TSPAN15: variants seen among roughly 807,000 people sequenced by gnomAD.
TSPAN15 encodes tetraspanin-15.
Under a neutral mutation model 34.5 loss-of-function variants are expected in TSPAN15, and 20 were observed. The observed-to-expected ratio is 0.58, with a 90% CI of 0.41 to 0.84. The LOEUF is 0.84. Among genes scored for constraint, TSPAN15 ranks in the 40% least tolerant of loss-of-function variants. TSPAN15 has a pLI of 0.00. For missense variants in TSPAN15, 313 were observed against 386.1 expected, an observed-to-expected ratio of 0.81 and a Z score of 1.59; for synonymous variants, 155 against 153.9, an observed-to-expected ratio of 1.01 and a Z score of -0.05.
rs890052067 is a variant in TSPAN15, at chr10:69,486,191, G to A, written c.357+976G>A. Among the ~76,000 whole-genome samples the A allele has an allele frequency of 2.0e-5, 3 of 152,220 alleles. No individual in the cohort carries two copies. The East Asian group carries it at 5.8e-4, about 29-fold the overall frequency. ...CAAGGCCCCACAAGAAGCTGGTGGT[G>A]GAGCAGGGCTGACTCCAACCCAGGG... On this transcript the variant is annotated intron_variant, in intron 3 of 7. Transcript: ENST00000373290.
At chr10:69,467,993 T>C (rs1481711909) in intron 1 of TSPAN15, among the ~76,000 whole-genome samples, 1 of 152,144 alleles carries the variant, frequency 6.6e-6, no homozygotes, top group African/African-American at 2.4e-5. Flanking sequence ...CTTGCCTACG[T>C]TGTACCTGAT....
the TSPAN15 span, among the ~76,000 whole-genome samples, chr10:69,514,754 T>G: frequency 1.3e-5 from 2 of 152,246 alleles, no homozygotes; most frequent in African/African-American, 4.8e-5. Context: ...TTTATAGATT[T>G]TAAAGATCTT....
rs184172048 is a variant in TSPAN15 at position 69,498,628 on chromosome 10, A to G, written c.570+232A>G. On this transcript the variant is annotated intron_variant, in intron 5 of 7. Transcript: ENST00000373290. ...TTCTTAGTGGTGTTGGTTAAAATCT[A>G]TTGAGCACCTACCTTGTGCAGGCCT... is the stretch of plus-strand genomic sequence containing the variant. 7.0e-3 allele frequency among the ~76,000 whole-genome samples: 1,065 copies of G among 152,240 alleles called. 33 individuals are homozygous for G. The highest frequency in any genetic ancestry group is 0.061 in the Admixed American group (935 of 15,282).
intron 1 of TSPAN15, among the ~76,000 whole-genome samples, chr10:69,465,941 G>A (rs1841375440): frequency 6.6e-6 from 1 of 152,214 alleles, no homozygotes; most frequent in African/African-American, 2.4e-5. Flanking sequence ...TGCTAACACA[G>A]GGACTGGTAT....
At chr10:69,461,706 G>A (rs1469678942) in intron 1 of TSPAN15, among the ~76,000 whole-genome samples, 1 of 152,072 alleles carries the variant, frequency 6.6e-6, no homozygotes, top group Non-Finnish European at 1.5e-5. Flanking sequence ...GTGGGCTGAG[G>A]CCAGCCTCTG....
At chr10:69,543,615 C>T in the TSPAN15 span, among the ~76,000 whole-genome samples, 1 of 152,136 alleles carries the variant, frequency 6.6e-6, no homozygotes, top group African/African-American at 2.4e-5. Flanking sequence ...GACCAAGCTG[C>T]AGCTGCCCTA....
chr10:69,513,496 C>T, the TSPAN15 span, among the ~76,000 whole-genome samples: 1 of 152,112 alleles, frequency 6.6e-6, no homozygotes, highest in Non-Finnish European at 1.5e-5. Context: ...CATGAGCCAC[C>T]GTGCCCAGTC....
intron 1 of TSPAN15, among the ~76,000 whole-genome samples, chr10:69,463,517 G>C (rs1841315566): frequency 6.6e-6 from 1 of 152,074 alleles, no homozygotes; most frequent in Non-Finnish European, 1.5e-5. Flanking sequence ...TCATCAAAAA[G>C]GTATGTTCTT....
intron 5 of TSPAN15, among the ~76,000 whole-genome samples, chr10:69,499,998 A>G (rs1842170542): frequency 6.6e-6 from 1 of 152,062 alleles, no homozygotes. Context: ...TGAGTGATGG[A>G]CCATACAGGG....
chr10:69,535,882 C>A, the TSPAN15 span, among the ~76,000 whole-genome samples: 1 of 152,206 alleles, frequency 6.6e-6, no homozygotes, highest in African/African-American at 2.4e-5. Context: ...GGAAGAGCTG[C>A]AGAGATTTTC....
chr10:69,486,365 T>C (rs1210442205), intron 3 of TSPAN15, among the ~76,000 whole-genome samples: 1 of 152,208 alleles, frequency 6.6e-6, no homozygotes, highest in African/African-American at 2.4e-5. Flanking sequence ...GACAGCTTGG[T>C]CCTGGTGCAT....
chr10:69,519,743 A>ATT, the TSPAN15 span, among the ~76,000 whole-genome samples: 8 of 149,736 alleles, frequency 5.3e-5, no homozygotes, highest in Admixed American at 4.0e-4. Flanking sequence ...CATTGTAACC[A>ATT]TTTTTTTTTT....
intron 1 of TSPAN15, among the ~76,000 whole-genome samples, chr10:69,452,534 A>G (rs1011659937): frequency 6.6e-6 from 1 of 152,160 alleles, no homozygotes; most frequent in Non-Finnish European, 1.5e-5. Context: ...TTCAACTTGT[A>G]GGATGCTCGC....
chr10:69,499,054 G>A (rs1159936212), intron 5 of TSPAN15, among the ~76,000 whole-genome samples: 2 of 152,222 alleles, frequency 1.3e-5, no homozygotes, highest in East Asian at 1.9e-4. Flanking sequence ...TCCCCAGCAC[G>A]ATCCTCTCGG....
intron 1 of TSPAN15, among the ~76,000 whole-genome samples, chr10:69,452,539 G>A (rs1840996065): frequency 6.6e-6 from 1 of 152,138 alleles, no homozygotes; most frequent in African/African-American, 2.4e-5. Context: ...CTTGTAGGAT[G>A]CTCGCGGAGA....
chr10:69,521,425 G>A, the TSPAN15 span, among the ~76,000 whole-genome samples: 1 of 146,058 alleles, frequency 6.8e-6, no homozygotes, highest in African/African-American at 2.5e-5. Context: ...CGGGCAGATC[G>A]CTTGAGGTCA....
At chr10:69,495,821 G>A in intron 4 of TSPAN15, 132 bp downstream of exon 4, 2 of 662,898 alleles carry the variant, frequency 3.0e-6, no homozygotes, top group East Asian at 5.5e-5. Flanking sequence ...GGCCAGATTG[G>A]GAGGCAACAG....
chr10:69,539,218 G>A, the TSPAN15 span, among the ~76,000 whole-genome samples: 1 of 151,940 alleles, frequency 6.6e-6, no homozygotes, highest in Non-Finnish European at 1.5e-5. Flanking sequence ...AAAGGCATAA[G>A]AATGATATAA....
chr10:69,487,898 G>A (rs1016746917), intron 3 of TSPAN15, among the ~76,000 whole-genome samples: 2 of 152,212 alleles, frequency 1.3e-5, no homozygotes, highest in Non-Finnish European at 2.9e-5. Context: ...CTTGGGTGGT[G>A]TCCCCTCATG....
Sources: allele counts gnomAD v4.1 joint callset (sites outside exome capture counted in the v4.1 genomes callset), GRCh38; gene constraint gnomAD v4.1.1; transcripts MANE v1.5; gene names NCBI Gene and HGNC (gene_info 2026-07-23, HGNC 2026-07-21).